ATP2B4: variants seen among roughly 807,000 people sequenced by gnomAD.
ATP2B4 encodes plasma membrane calcium-transporting ATPase 4.
A neutral mutation model predicts 110.3 loss-of-function variants in ATP2B4; 39 were observed. The ratio of observed to expected loss-of-function variants is 0.35; its 90% confidence interval spans 0.27 to 0.46. The LOEUF (loss-of-function observed/expected upper bound fraction) is 0.46, where lower values mean the gene tolerates loss of function less well. ATP2B4 is among the 20% of genes least tolerant of loss of function. The probability of loss-of-function intolerance (pLI) is 1.00; values close to 1 mark genes in which losing one functional copy is unlikely to be tolerated. For missense variants in ATP2B4, 1,135 were observed against 1,530.9 expected, an observed-to-expected ratio of 0.74 and a Z score of 4.32; for synonymous variants, 538 against 571.7, an observed-to-expected ratio of 0.94 and a Z score of 0.84.
At chr1:203,632,156 T>C (rs1274192388) in intron 1 of ATP2B4, among the ~76,000 whole-genome samples, 1 of 151,022 alleles carries the variant, frequency 6.6e-6, no homozygotes, top group African/African-American at 2.4e-5. Flanking sequence ...CTTTAAAAAA[T>C]GGTTAAACAA....
intron 1 of ATP2B4, among the ~76,000 whole-genome samples, chr1:203,646,184 T>A (rs1346944318): frequency 6.6e-6 from 1 of 152,136 alleles, no homozygotes; most frequent in Non-Finnish European, 1.5e-5. Context: ...TCCCTCCTCA[T>A]GACAATCCTA....
At chr1:203,717,877 C>G (rs1666204740) in intron 15 of ATP2B4, among the ~76,000 whole-genome samples, 2 of 151,992 alleles carry the variant, frequency 1.3e-5, no homozygotes, top group South Asian at 4.1e-4. Context: ...CTCCTGACCG[C>G]AAGTGATCCA....
rs142108283 is a variant in ATP2B4 at position 203,693,292 on chromosome 1, C to T, written c.194-4865C>T. Among the ~76,000 whole-genome samples the T allele has an allele frequency of 1.8e-3, 277 of 152,262 alleles. 4 individuals are homozygous for T. The East Asian group carries it at 0.029, about 16-fold the overall frequency. ...ACTGGGGATTGGCCGAGCTCCCAGT[C>T]CCACATGGCTTTCCCATGCCTCACC... is the stretch of plus-strand genomic sequence containing the variant. On this transcript the variant is annotated intron_variant, in intron 2 of 20. Transcript: ENST00000357681.
chr1:203,677,394 C>G (rs2102353188), intron 1 of ATP2B4, among the ~76,000 whole-genome samples: 1 of 152,262 alleles, frequency 6.6e-6, no homozygotes, highest in East Asian at 1.9e-4. Context: ...TAGAGCCTCG[C>G]TTGGAATGAG....
chr1:203,704,201 C>G (rs548145280), intron 8 of ATP2B4, among the ~76,000 whole-genome samples: 92 of 152,276 alleles, frequency 6.0e-4, no homozygotes, highest in Non-Finnish European at 1.2e-3. Context: ...AGGCAATTCT[C>G]TAGCATAGGA....
At chr1:203,635,972 T>C (rs1194896061) in intron 1 of ATP2B4, among the ~76,000 whole-genome samples, 1 of 151,782 alleles carries the variant, frequency 6.6e-6, no homozygotes, top group Non-Finnish European at 1.5e-5. Context: ...CAGGAGCACC[T>C]GGGCCCTGAT....
At chr1:203,634,809 G>A (rs919277309) in intron 1 of ATP2B4, among the ~76,000 whole-genome samples, 1 of 151,470 alleles carries the variant, frequency 6.6e-6, no homozygotes, top group African/African-American at 2.4e-5. Context: ...GACTACAGGC[G>A]CATGCTATCA....
At chr1:203,702,132 G>C in intron 7 of ATP2B4, 53 bp downstream of exon 7, 2 of 1,597,910 alleles carry the variant, frequency 1.3e-6, no homozygotes, top group East Asian at 2.2e-5. Flanking sequence ...ACTCAAACCA[G>C]ACCTTTCCAG....
intron 1 of ATP2B4, among the ~76,000 whole-genome samples, chr1:203,665,197 A>G (rs1664467446): frequency 6.6e-6 from 1 of 152,202 alleles, no homozygotes; most frequent in Non-Finnish European, 1.5e-5. Context: ...CTTAGGGTGG[A>G]TTTCATCTCC....
At chr1:203,737,977 C>T (rs903043800) in intron 20 of ATP2B4, among the ~76,000 whole-genome samples, 4 of 152,154 alleles carry the variant, frequency 2.6e-5, no homozygotes, top group Non-Finnish European at 5.9e-5. Context: ...AGCACTGGAA[C>T]AGGTGATCCA....
At position 203,700,216 on chromosome 1, in the gene ATP2B4, G is replaced by T. The variant is rs1665650760; in HGVS notation, c.660G>T (p.Leu220=). Reference sequence around the variant, plus strand: ...CCCTTTGTGCTCTAGGTGATCTGCTGCCTGCAGATGGAATCCTGATCCAAG... The same window carrying T: ...CCCTTTGTGCTCTAGGTGATCTGCTTCCTGCAGATGGAATCCTGATCCAAG... The part of the protein sequence containing the change: ...DIAQVKYGDL[L]PADGILIQGN... Residue 220 remains leucine, a synonymous_variant, in exon 5 of 21, where the codon CTG becomes CTT. Coordinates refer to ENST00000357681, the MANE Select transcript of ATP2B4 (RefSeq NM_001684.5). 1 of 1,613,344 alleles carries T rather than the reference G, an allele frequency of 6.2e-7. No individual in the cohort carries two copies. The highest frequency in any genetic ancestry group is 1.3e-5 in the African/African-American group (1 of 75,000).
intron 15 of ATP2B4, 134 bp from the exon 16 acceptor site, chr1:203,720,415 T>A: frequency 1.2e-6 from 1 of 835,330 alleles, no homozygotes; most frequent in Non-Finnish European, 1.8e-6. Flanking sequence ...GTGACACATT[T>A]GCTCTTTGTT....
chr1:203,660,780 GGTGAGACTCT>G (rs1664314841), intron 1 of ATP2B4, among the ~76,000 whole-genome samples: 1 of 149,442 alleles, frequency 6.7e-6, no homozygotes, highest in South Asian at 2.2e-4. Context: ...GCCTAGCAAG[GGTGAGACTCT>G]GTCTCAAAAA....
Position 203,743,181 on chromosome 1 carries a change from AGAGGGGCGTG to A in ATP2B4, c.*3329_*3338del, listed in dbSNP as rs1225678318. On this transcript the variant is annotated 3_prime_UTR_variant, in exon 21 of 21. Transcript: ENST00000357681. ...ATGGTTACCTCACTGCTGAAAACCC[AGAGGGGCGTG>A]GCACACTCGCTTGTGTGGAAAAGCC... The A allele has an allele frequency of 6.5e-6, 1 of 152,674 alleles. No individual in the cohort carries two copies. Among genetic ancestry groups the A allele is most frequent in the African/African-American group, 2.4e-5 (1 of 41,456 alleles). The allele number at this position is 152,674 out of a possible 1,614,324, so 9.5% of individuals were successfully genotyped here. A position where few individuals can be genotyped will look rare whatever the true frequency, so the allele number is the denominator to read the frequency against.
intron 2 of ATP2B4, among the ~76,000 whole-genome samples, chr1:203,690,817 G>A (rs534451124): frequency 2.6e-5 from 4 of 152,188 alleles, no homozygotes; most frequent in East Asian, 1.9e-4. Flanking sequence ...CCAAATTTTG[G>A]GCAGATGGAT....
At chr1:203,659,447 T>C (rs1664265895) in intron 1 of ATP2B4, among the ~76,000 whole-genome samples, 1 of 152,002 alleles carries the variant, frequency 6.6e-6, no homozygotes, top group Non-Finnish European at 1.5e-5. Context: ...GGTGGGAGGA[T>C]CACTTGAGCC....
chr1:203,704,858 A>C (rs1665804218), intron 8 of ATP2B4, among the ~76,000 whole-genome samples: 1 of 152,084 alleles, frequency 6.6e-6, no homozygotes, highest in African/African-American at 2.4e-5. Flanking sequence ...ACATCTCTGC[A>C]CTTTATACAG....
chr1:203,711,846 C>A, intron 12 of ATP2B4, 114 bp from the exon 13 acceptor site: 1 of 1,212,920 alleles, frequency 8.2e-7, no homozygotes, highest in Non-Finnish European at 1.2e-6. Context: ...TGCTGCATGG[C>A]ACCACTTCTA....
chr1:203,739,806 G>C lies in ATP2B4; in HGVS notation c.3570G>C (p.Gln1190His). Residue 1190 changes from glutamine (Q) to histidine (H), a missense_variant, in exon 21 of 21, where the codon CAG (glutamine) becomes CAC (histidine). Transcript: ENST00000357681. Reference protein sequence around the residue: ...NNNAVDCNQVQLPQSDSSLQS... With the variant: ...NNNAVDCNQVHLPQSDSSLQS... ...ATGCGGTGGATTGCAACCAAGTGCAGCTCCCCCAGTCGGACAGCTCTCTAC... is the reference window on the plus strand; with the variant it reads ...ATGCGGTGGATTGCAACCAAGTGCACCTCCCCCAGTCGGACAGCTCTCTAC... The C allele has an allele frequency of 6.2e-7, 1 of 1,614,140 alleles. No homozygotes were observed. Among genetic ancestry groups the C allele is most frequent in the Non-Finnish European group, 8.5e-7 (1 of 1,180,024 alleles).
Sources: allele counts gnomAD v4.1 joint callset (sites outside exome capture counted in the v4.1 genomes callset), GRCh38; gene constraint gnomAD v4.1.1; transcripts MANE v1.5; gene names NCBI Gene and HGNC (gene_info 2026-07-23, HGNC 2026-07-21).